Variants in GALC observed in about 807,000 individuals in gnomAD.
The protein encoded by GALC is galactosylceramidase.
In GALC, 77 loss-of-function variants were observed where a neutral mutation model predicts 91.8. The observed-to-expected ratio is 0.84, with a 90% CI of 0.70 to 1.01. GALC has a LOEUF of 1.01. GALC is among the 50% of genes least tolerant of loss of function. The probability of loss-of-function intolerance (pLI) is 0.00; values close to 1 mark genes in which losing one functional copy is unlikely to be tolerated. For missense variants in GALC, 882 were observed against 855.9 expected (o/e 1.03, Z -0.38); for synonymous variants, 357 against 306.7 (o/e 1.16, Z -1.71).
upstream of GALC, chr14:87,993,230 C>A (rs146439771): frequency 7.7e-4 from 1,187 of 1,546,286 alleles, 7 homozygotes; most frequent in African/African-American, 0.014. Context: ...TAGATACGGG[C>A]AGGAGGCCGC....
intron 13 of GALC, among the ~76,000 whole-genome samples, chr14:87,946,202 C>T (rs1055365229): frequency 1.3e-5 from 2 of 152,000 alleles, no homozygotes; most frequent in African/African-American, 4.8e-5. Flanking sequence ...AGCAAGGTTC[C>T]AAATCATGCG....
At chr14:87,980,907 A>G (rs1471150209) in intron 6 of GALC, among the ~76,000 whole-genome samples, 1 of 152,204 alleles carries the variant, frequency 6.6e-6, no homozygotes, top group Non-Finnish European at 1.5e-5. Context: ...AACCTTATCT[A>G]CTTAAGAACA....
intron 3 of GALC, 43 bp downstream of exon 3, chr14:87,988,101 T>C (rs757276474): frequency 6.8e-7 from 1 of 1,480,442 alleles, no homozygotes; most frequent in South Asian, 1.1e-5. Context: ...AGGTATAGAT[T>C]AAAATGTTGA....
At chr14:87,987,904 C>T (rs1215291138) in intron 3 of GALC, 2 of 507,360 alleles carry the variant, frequency 3.9e-6, no homozygotes, top group African/African-American at 3.8e-5. Context: ...GATTTGTTTA[C>T]TACCGATTAC....
chr14:87,963,547 A>G (rs1214408542), intron 9 of GALC, 36 bp from the exon 10 acceptor site: 3 of 1,575,644 alleles, frequency 1.9e-6, no homozygotes, highest in Non-Finnish European at 2.6e-6. Context: ...TAAGACAAAA[A>G]TGGTAATAAT....
At chr14:87,969,843 T>C (rs998563126) in intron 7 of GALC, among the ~76,000 whole-genome samples, 12 of 152,264 alleles carry the variant, frequency 7.9e-5, no homozygotes, top group Non-Finnish European at 1.8e-4. Context: ...CAGGATTTCA[T>C]GAGTAAGAAA....
chr14:87,945,809 G>T, intron 13 of GALC, 76 bp from the exon 14 acceptor site: 1 of 1,093,940 alleles, frequency 9.1e-7, no homozygotes, highest in Non-Finnish European at 1.4e-6. Context: ...TTTATAGTAT[G>T]TCTGAAACAC....
chr14:87,966,910 T>C (rs1886078460), intron 8 of GALC, among the ~76,000 whole-genome samples: 1 of 152,174 alleles, frequency 6.6e-6, no homozygotes, highest in Non-Finnish European at 1.5e-5. Context: ...AACAATAATA[T>C]ATTTTCCACA....
At chr14:87,955,730 A>G (rs1885507272) in intron 10 of GALC, among the ~76,000 whole-genome samples, 1 of 152,120 alleles carries the variant, frequency 6.6e-6, no homozygotes, top group Non-Finnish European at 1.5e-5. Flanking sequence ...TCATGTTTCA[A>G]TTTATTAAAG....
chr14:87,980,482 GT>G (rs1886693690), intron 6 of GALC: 2 of 981,606 alleles, frequency 2.0e-6, no homozygotes, highest in South Asian at 9.4e-5. Flanking sequence ...TTCATGACTT[GT>G]TTTTCCCCCA....
At chr14:87,976,743 T>C in intron 6 of GALC, 1 of 401,568 alleles carries the variant, frequency 2.5e-6, no homozygotes. Flanking sequence ...GCCTCCCAAG[T>C]AGCTGGGATT....
At chr14:87,944,876 G>T (rs364400) in intron 14 of GALC, among the ~76,000 whole-genome samples, 148,081 of 152,022 alleles carry the variant, frequency 0.97, 72,218 homozygotes, top group Non-Finnish European at 1. Context: ...CCTGGAATGT[G>T]TATGTGTTTC....
chr14:87,942,217 C>A (rs1242377946), intron 14 of GALC, among the ~76,000 whole-genome samples: 1 of 151,990 alleles, frequency 6.6e-6, no homozygotes, highest in Non-Finnish European at 1.5e-5. Context: ...GGGGCAGCCC[C>A]TTGAATGTGC....
rs780514845 is a variant in GALC at position 87,941,571 on chromosome 14, ACG to A, written c.1671-15_1671-14del. 2.6e-6 allele frequency: 4 copies of A among 1,522,188 alleles called. No individual in the cohort carries two copies. The Admixed American group carries it at 5.0e-5, about 19-fold the overall frequency. The allele number at this position is 1,522,188 out of a possible 1,614,324, so 94.3% of individuals were successfully genotyped here. Reference sequence around the variant, plus strand: ...AGTCAGATTGGTCCTGCAAAATAAAACGGTTGATTAGTACTCTTTAAAATATG... The same window carrying A: ...AGTCAGATTGGTCCTGCAAAATAAAAGTTGATTAGTACTCTTTAAAATATG... On this transcript the variant is annotated splice_polypyrimidine_tract_variant and intron_variant, in intron 14 of 16. Coordinates refer to ENST00000261304, the MANE Select transcript of GALC (RefSeq NM_000153.4).
Position 87,965,639 on chromosome 14 carries a change from T to G in GALC, c.909-10A>C. 6.2e-7 allele frequency: 1 copy of G among 1,612,978 alleles called. No individual in the cohort carries two copies. The highest frequency in any genetic ancestry group is 8.5e-7 in the Non-Finnish European group (1 of 1,179,340). On this transcript the variant is annotated splice_polypyrimidine_tract_variant and intron_variant, in intron 8 of 16. Coordinates refer to ENST00000261304, the MANE Select transcript of GALC (RefSeq NM_000153.4). ...ATTCCATGCGATTGTGCTAAAAGAT[T>G]TGATAAAAAAGAAACACCAAGACAA...
chr14:87,951,864 C>A (rs1885322063), intron 10 of GALC, among the ~76,000 whole-genome samples: 1 of 151,736 alleles, frequency 6.6e-6, no homozygotes, highest in Admixed American at 6.6e-5. Context: ...GCACTAAATA[C>A]CTAGATTAGA....
chr14:87,934,506 A>G lies in GALC; in HGVS notation c.*226T>C, dbSNP rs555918402. On this transcript the variant is annotated 3_prime_UTR_variant, in exon 17 of 17. Transcript: ENST00000261304. ...CCAATGCACAGTTTGAATGTTAGGG[A>G]ACACACCAGGTAATGTTAAAGATTC... 18 of 1,417,208 alleles carry G rather than the reference A, an allele frequency of 1.3e-5. No individual in the cohort carries two copies. In the African/African-American group the frequency reaches 2.3e-4, roughly 18 times the overall value. The allele number at this position is 1,417,208 out of a possible 1,614,324, so 87.8% of individuals were successfully genotyped here. A position where few individuals can be genotyped will look rare whatever the true frequency, so the allele number is the denominator to read the frequency against.
chr14:87,958,905 G>T (rs1885675677), intron 10 of GALC, among the ~76,000 whole-genome samples: 1 of 151,958 alleles, frequency 6.6e-6, no homozygotes, highest in Admixed American at 6.6e-5. Context: ...AAAAAACAAA[G>T]GGAAAGTGCT....
rs771534115 is a variant in GALC, at chr14:87,976,405, T to C, written c.705A>G (p.Ala235=). The change falls in exon 7 of 17, where the codon GCA becomes GCG. Residue 235 remains alanine, a synonymous_variant. Coordinates refer to ENST00000261304, the MANE Select transcript of GALC (RefSeq NM_000153.4). ...ASDNLWESIS[A]SMLLDAELFK... The stretch of plus-strand genomic sequence containing the variant: ...AGAGTTCGGCATCAAGGAGCATGGA[T>C]GCAGAGATGGACTCCCAGAGATTAT... 2.2e-5 allele frequency: 35 copies of C among 1,613,950 alleles called. No individual in the cohort carries two copies. The highest frequency in any genetic ancestry group is 3.0e-5 in the Non-Finnish European group (35 of 1,179,930).
Sources: allele counts gnomAD v4.1 joint callset (sites outside exome capture counted in the v4.1 genomes callset), GRCh38; gene constraint gnomAD v4.1.1; transcripts MANE v1.5; gene names NCBI Gene and HGNC (gene_info 2026-07-23, HGNC 2026-07-21).